Variants in DOCK3 observed in about 807,000 individuals in gnomAD.
DOCK3 encodes dedicator of cytokinesis 3.
Under a neutral mutation model 265.6 loss-of-function variants are expected in DOCK3, and 60 were observed. The observed-to-expected ratio is 0.23, with a 90% CI of 0.18 to 0.28. The LOEUF (loss-of-function observed/expected upper bound fraction) is 0.28, where lower values mean the gene tolerates loss of function less well. Ranked by LOEUF, DOCK3 falls within the 10% of genes least tolerant of loss-of-function variation. The pLI is 1.00. For synonymous variants in DOCK3, 881 were observed against 938.0 expected (o/e 0.94, Z 1.11); for missense variants, 1,981 against 2,594.3 (o/e 0.76, Z 5.14).
chr3:51,237,427 C>T (rs935929973), intron 20 of DOCK3, 63 bp from the exon 21 acceptor site: 2 of 1,388,000 alleles, frequency 1.4e-6, no homozygotes, highest in Non-Finnish European at 2.0e-6. Flanking sequence ...GACTCTGTTT[C>T]CTGCTGGGGA....
intron 3 of DOCK3, among the ~76,000 whole-genome samples, chr3:50,887,229 A>G (rs1553694102): frequency 5.7e-4 from 86 of 152,162 alleles, no homozygotes; most frequent in African/African-American, 1.2e-3. Context: ...AGAATACTAC[A>G]AACACCTCTA....
chr3:51,121,613 T>C (rs1277773209), intron 9 of DOCK3, among the ~76,000 whole-genome samples: 1 of 152,118 alleles, frequency 6.6e-6, no homozygotes, highest in Non-Finnish European at 1.5e-5. Flanking sequence ...TATGATAAGT[T>C]TTAAAGACAA....
chr3:51,235,225 T>G (rs1036127435), intron 19 of DOCK3, among the ~76,000 whole-genome samples: 2 of 152,248 alleles, frequency 1.3e-5, no homozygotes, highest in African/African-American at 2.4e-5. Flanking sequence ...TTTTTAACTC[T>G]TCAAAGCAAT....
At chr3:51,146,317 A>C (rs1319672583) in intron 9 of DOCK3, among the ~76,000 whole-genome samples, 2 of 152,204 alleles carry the variant, frequency 1.3e-5, no homozygotes, top group Non-Finnish European at 2.9e-5. Flanking sequence ...TAAAACACAC[A>C]GCTACAATCA....
At chr3:51,002,768 A>G (rs1327470942) in intron 5 of DOCK3, among the ~76,000 whole-genome samples, 1 of 152,190 alleles carries the variant, frequency 6.6e-6, no homozygotes, top group African/African-American at 2.4e-5. Flanking sequence ...GTCATTTTGG[A>G]TAAAATGCTT....
intron 12 of DOCK3, among the ~76,000 whole-genome samples, chr3:51,187,656 A>G (rs1274684062): frequency 6.6e-6 from 1 of 150,616 alleles, no homozygotes; most frequent in Non-Finnish European, 1.5e-5. Flanking sequence ...GTGGGAGATG[A>G]TTGAATCATG....
chr3:51,276,652 C>A (rs2080833608), intron 25 of DOCK3, among the ~76,000 whole-genome samples: 1 of 152,062 alleles, frequency 6.6e-6, no homozygotes, highest in Middle Eastern at 3.2e-3. Flanking sequence ...GGTAGAGGGA[C>A]AATGAAACTG....
chr3:51,379,750 A>G (rs1489831531), intron 51 of DOCK3, among the ~76,000 whole-genome samples: 1 of 152,230 alleles, frequency 6.6e-6, no homozygotes, highest in Non-Finnish European at 1.5e-5. Context: ...GAGGTTTCCG[A>G]GTACAGCAGG....
intron 22 of DOCK3, among the ~76,000 whole-genome samples, chr3:51,252,724 CTT>C (rs2079321137): frequency 6.6e-6 from 1 of 152,174 alleles, no homozygotes; most frequent in African/African-American, 2.4e-5. Flanking sequence ...TATCCTGAGA[CTT>C]TGCTGAAGTT....
intron 12 of DOCK3, among the ~76,000 whole-genome samples, chr3:51,190,163 A>C (rs2087860058): frequency 6.6e-6 from 1 of 152,212 alleles, no homozygotes; most frequent in African/African-American, 2.4e-5. Flanking sequence ...TTTGTCCCAC[A>C]GGGTATTCCC....
In DOCK3 at chr3:50,698,629, G is replaced by A. The variant is rs187691286; in HGVS notation, c.37+23329G>A. ...TGTTATACCTTTTTCAGTAGAGGCT[G>A]CACTCTTTTTCATATGTGCCCACTA... On this transcript the variant is annotated intron_variant, in intron 1 of 52. Coordinates refer to ENST00000266037, the MANE Select transcript of DOCK3 (RefSeq NM_004947.5). Among the ~76,000 whole-genome samples, 242 of 146,174 alleles carry A rather than the reference G, an allele frequency of 1.7e-3. 2 individuals are homozygous for A. Among genetic ancestry groups the A allele is most frequent in the African/African-American group, 5.3e-3 (212 of 39,910 alleles).
intron 12 of DOCK3, 93 bp from the exon 13 acceptor site, chr3:51,208,681 C>T (rs1213521789): frequency 4.1e-6 from 4 of 965,114 alleles, no homozygotes; most frequent in Non-Finnish European, 6.2e-6. Flanking sequence ...AGTGAGGGAT[C>T]CTTTTCCCTT....
intron 46 of DOCK3, 111 bp from the exon 47 acceptor site, chr3:51,360,400 A>G: frequency 7.2e-7 from 1 of 1,392,114 alleles, no homozygotes. Flanking sequence ...CAACCATATG[A>G]TTCTTTTTTG....
At chr3:51,247,933 T>G (rs2078916877) in intron 22 of DOCK3, among the ~76,000 whole-genome samples, 1 of 152,182 alleles carries the variant, frequency 6.6e-6, no homozygotes, top group Admixed American at 6.5e-5. Flanking sequence ...TGGATAAAAG[T>G]TGAGTTAAAT....
intron 21 of DOCK3, among the ~76,000 whole-genome samples, chr3:51,244,466 A>C (rs544969651): frequency 6.6e-6 from 1 of 152,268 alleles, no homozygotes; most frequent in South Asian, 2.1e-4. Flanking sequence ...GAATTGTCTT[A>C]ATTTCATTTT....
intron 27 of DOCK3, among the ~76,000 whole-genome samples, chr3:51,296,594 A>C (rs1432428922): frequency 6.6e-6 from 1 of 150,562 alleles, no homozygotes; most frequent in Non-Finnish European, 1.5e-5. Context: ...CTCCTGCCTC[A>C]GCCTCTTGAG....
At chr3:51,345,495 A>G (rs1007225855) in intron 38 of DOCK3, among the ~76,000 whole-genome samples, 1 of 152,036 alleles carries the variant, frequency 6.6e-6, no homozygotes, top group East Asian at 1.9e-4. Context: ...ACCTAGCCCC[A>G]CCTGTAGTCC....
intron 49 of DOCK3, among the ~76,000 whole-genome samples, chr3:51,365,352 G>T (rs1300941224): frequency 3.9e-5 from 6 of 152,222 alleles, no homozygotes; most frequent in Admixed American, 3.9e-4. Flanking sequence ...CTGAGACTTT[G>T]CTGAAGTTGC....
intron 5 of DOCK3, among the ~76,000 whole-genome samples, chr3:50,976,289 A>C (rs929251595): frequency 5.1e-5 from 6 of 118,018 alleles, no homozygotes; most frequent in African/African-American, 1.9e-4. Flanking sequence ...TAGTGCTATA[A>C]ATTTCCCACT....
Sources: gnomAD v4.1 joint callset for allele counts (sites outside exome capture counted in the v4.1 genomes callset) on GRCh38, gnomAD v4.1.1 for gene constraint, MANE v1.5 for transcripts, NCBI Gene and HGNC (gene_info 2026-07-23, HGNC 2026-07-21) for gene names.